The following MCU variants were observed in gnomAD, a reference collection of about 807,000 sequenced individuals.
MCU encodes calcium uniporter protein, mitochondrial.
MCU carries 12 observed loss-of-function variants against 45.2 expected under a neutral mutation model. That is an observed-to-expected ratio of 0.27 (90% CI 0.17 to 0.43). The LOEUF is 0.43. Ranked by LOEUF, MCU falls within the 20% of genes least tolerant of loss-of-function variation. The pLI, the probability that MCU is intolerant of heterozygous loss-of-function variation, is 1.00. For missense variants in MCU, 324 were observed against 436.7 expected (o/e 0.74, Z 2.30); for synonymous variants, 160 against 165.1 (o/e 0.97, Z 0.24).
At chr10:72,772,345 G>C in intron 1 of MCU, among the ~76,000 whole-genome samples, 1 of 152,206 alleles carries the variant, frequency 6.6e-6, no homozygotes, top group Middle Eastern at 3.2e-3. Flanking sequence ...ATTTCCTAGA[G>C]CTGAAAAGGA....
chr10:72,840,711 G>T (rs1389174849), intron 2 of MCU, among the ~76,000 whole-genome samples: 3 of 152,162 alleles, frequency 2.0e-5, no homozygotes, highest in Non-Finnish European at 4.4e-5. Context: ...TTTTAATGTG[G>T]CAGAGTTCTC....
At chr10:72,711,472 C>T (rs1241136604) in intron 1 of MCU, among the ~76,000 whole-genome samples, 5 of 151,038 alleles carry the variant, frequency 3.3e-5, no homozygotes, top group East Asian at 4.0e-4. Flanking sequence ...CTGCCTGCCT[C>T]GGCCTTCCAA....
chr10:72,795,782 G>A (rs933459990), intron 1 of MCU, among the ~76,000 whole-genome samples: 2 of 151,916 alleles, frequency 1.3e-5, no homozygotes, highest in African/African-American at 4.8e-5. Flanking sequence ...GGTGGATCAC[G>A]AGTTCAAGAG....
At chr10:72,816,513 G>C (rs950077601) in intron 1 of MCU, among the ~76,000 whole-genome samples, 3 of 152,192 alleles carry the variant, frequency 2.0e-5, no homozygotes, top group Middle Eastern at 3.2e-3. Flanking sequence ...GGGCACAGTG[G>C]CTCACACATA....
intron 1 of MCU, among the ~76,000 whole-genome samples, chr10:72,740,069 G>C (rs1335303473): frequency 6.6e-6 from 1 of 151,548 alleles, no homozygotes; most frequent in Non-Finnish European, 1.5e-5. Context: ...CTTGCCTACT[G>C]TTCTGTGGCC....
intron 6 of MCU, among the ~76,000 whole-genome samples, chr10:72,876,934 T>C (rs1007937947): frequency 4.6e-5 from 7 of 151,790 alleles, no homozygotes; most frequent in African/African-American, 1.7e-4. Flanking sequence ...TTTTTTTTTT[T>C]TTTTTGAGAC....
chr10:72,874,504 CTGT>C (rs1845591316), intron 6 of MCU, among the ~76,000 whole-genome samples: 1 of 152,132 alleles, frequency 6.6e-6, no homozygotes, highest in South Asian at 2.1e-4. Context: ...CATTTTCTTT[CTGT>C]TGTTAGATTA....
At chr10:72,713,461 G>A (rs1012302190) in intron 1 of MCU, among the ~76,000 whole-genome samples, 2 of 152,148 alleles carry the variant, frequency 1.3e-5, no homozygotes, top group Non-Finnish European at 2.9e-5. Flanking sequence ...AGTATTTTTA[G>A]TAGAGATGGG....
chr10:72,751,966 A>C (rs1843506483), intron 1 of MCU, among the ~76,000 whole-genome samples: 1 of 151,672 alleles, frequency 6.6e-6, no homozygotes, highest in South Asian at 2.1e-4. Context: ...CAGCATCCCG[A>C]GTAGCTAGGA....
chr10:72,813,450 C>CTCT (rs1844575037), intron 1 of MCU, among the ~76,000 whole-genome samples: 1 of 76,196 alleles, frequency 1.3e-5, no homozygotes, highest in South Asian at 4.7e-4. Context: ...CCAGCTCTCT[C>CTCT]TTTTTTTTTT....
chr10:72,772,030 G>A (rs1453279270), intron 1 of MCU, among the ~76,000 whole-genome samples: 1 of 152,140 alleles, frequency 6.6e-6, no homozygotes, highest in Non-Finnish European at 1.5e-5. Flanking sequence ...CACCATCTTG[G>A]GTTCCCTGTC....
intron 6 of MCU, 70 bp from the exon 7 acceptor site, chr10:72,884,196 C>G (rs1845746015): frequency 1.1e-6 from 1 of 905,644 alleles, no homozygotes; most frequent in African/African-American, 1.6e-5. Context: ...TGAATCTAAG[C>G]AGCAGTTAGT....
At chr10:72,858,914 A>G (rs1321442837) in intron 2 of MCU, among the ~76,000 whole-genome samples, 1 of 152,174 alleles carries the variant, frequency 6.6e-6, no homozygotes, top group East Asian at 1.9e-4. Context: ...TATCCTTGGG[A>G]AAGCCTCTCC....
intron 1 of MCU, among the ~76,000 whole-genome samples, chr10:72,796,789 A>C (rs894217036): frequency 6.6e-6 from 1 of 151,530 alleles, no homozygotes; most frequent in Non-Finnish European, 1.5e-5. Flanking sequence ...CAGCCTCCTA[A>C]AGTGCTGGGA....
chr10:72,696,637 A>T (rs1842691075), intron 1 of MCU, among the ~76,000 whole-genome samples: 1 of 152,144 alleles, frequency 6.6e-6, no homozygotes, highest in Non-Finnish European at 1.5e-5. Context: ...TCTAATCTTA[A>T]CTGGGGAGAT....
At chr10:72,820,171 A>G (rs1589478887) in intron 1 of MCU, among the ~76,000 whole-genome samples, 1 of 152,298 alleles carries the variant, frequency 6.6e-6, no homozygotes, top group East Asian at 1.9e-4. Context: ...ATGTGAATAT[A>G]TTTACATGCC....
At chr10:72,879,673 T>C (rs1206824933) in intron 6 of MCU, among the ~76,000 whole-genome samples, 1 of 152,166 alleles carries the variant, frequency 6.6e-6, no homozygotes, top group African/African-American at 2.4e-5. Flanking sequence ...GGTAAACCTG[T>C]GAGTGATGAG....
At chr10:72,875,132 CA>C (rs1287323334) in intron 6 of MCU, among the ~76,000 whole-genome samples, 4 of 152,218 alleles carry the variant, frequency 2.6e-5, no homozygotes, top group Non-Finnish European at 5.9e-5. Context: ...CACTGTAGGA[CA>C]AGGAATTGAA....
intron 1 of MCU, among the ~76,000 whole-genome samples, chr10:72,695,775 G>A (rs1318168468): frequency 2.7e-5 from 4 of 149,220 alleles, no homozygotes; most frequent in Non-Finnish European, 5.9e-5. Context: ...CATTGACACT[G>A]TCACAGCTCA....
Sources: allele counts gnomAD v4.1 joint callset (sites outside exome capture counted in the v4.1 genomes callset), GRCh38; gene constraint gnomAD v4.1.1; transcripts MANE v1.5; gene names NCBI Gene and HGNC (gene_info 2026-07-23, HGNC 2026-07-21).